Variants in BSN observed in about 807,000 individuals in gnomAD.
The protein encoded by BSN is bassoon presynaptic cytomatrix protein.
In BSN, 57 loss-of-function variants were observed where a neutral mutation model predicts 264.8. That is an observed-to-expected ratio of 0.22 (90% confidence interval 0.17 to 0.27). BSN has a LOEUF of 0.27. Among genes scored for constraint, BSN ranks in the 10% least tolerant of loss-of-function variants. The pLI is 1.00. For synonymous variants in BSN, 2,059 were observed against 2,137.3 expected (o/e 0.96, Z 1.01); for missense variants, 4,615 against 5,232.5 (o/e 0.88, Z 3.64).
At position 49,663,233 on chromosome 3, in the gene BSN, C is replaced by G. The variant is rs1245526615; in HGVS notation, c.11075C>G (p.Pro3692Arg). The change falls in exon 7 of 12, where the codon CCG becomes CGG. Residue 3692 changes from proline (P) to arginine (R), a missense_variant. Pro to Arg is a moderately radical substitution (Grantham distance 103, BLOSUM62 -2). Coordinates refer to ENST00000296452, the MANE Select transcript of BSN (RefSeq NM_003458.4). Reference protein sequence around the residue: ...HSQPSSAPAMPKKGQPGYPSS... With the variant: ...HSQPSSAPAMRKKGQPGYPSS... ...CAGCCCAGCTCTGCTCCAGCTATGCCGAAGAAGGGTCAGCCTGGGTATCCC... is the reference window on the plus strand; with the variant it reads ...CAGCCCAGCTCTGCTCCAGCTATGCGGAAGAAGGGTCAGCCTGGGTATCCC... The G allele has an allele frequency of 1.2e-6, 2 of 1,614,108 alleles. No homozygotes were observed. The highest frequency in any genetic ancestry group is 1.1e-5 in the South Asian group (1 of 91,084).
In BSN at chr3:49,662,270, A is replaced by T. The variant is rs1173047672; in HGVS notation, c.10425A>T (p.Arg3475=). The T allele has an allele frequency of 1.2e-6, 2 of 1,613,862 alleles. No individual in the cohort carries two copies. Among genetic ancestry groups the T allele is most frequent in the Non-Finnish European group, 1.7e-6 (2 of 1,179,926 alleles). The part of the protein sequence containing the change: ...GYEREREAVE[R]LQKAGPKPSS... ...AAAGGGAACGGGAGGCTGTGGAGCG[A>T]CTTCAAAAAGCGGGCCCCAAGCCCT... Residue 3475 remains arginine (R), a synonymous_variant, in exon 6 of 12, where the codon CGA becomes CGT. Transcript: ENST00000296452.
rs2052598749 is a variant in BSN at position 49,656,278 on chromosome 3, T to C, written c.6722T>C (p.Leu2241Pro). ...GGITAVPLTS[L>P]TRVPMIAPRV... ...ATCACAGCCGTGCCACTCACCAGTC[T>C]GACACGTGTGCCCATGATTGCCCCC... The change falls in exon 5 of 12, where the codon CTG becomes CCG. Residue 2241 changes from leucine to proline, a missense_variant. Transcript: ENST00000296452. The C allele has an allele frequency of 2.5e-6, 4 of 1,613,018 alleles. No homozygotes were observed. The highest frequency in any genetic ancestry group is 3.4e-6 in the Non-Finnish European group (4 of 1,179,854).
intron 2 of BSN, among the ~76,000 whole-genome samples, chr3:49,630,566 G>A (rs2108062296): frequency 6.6e-6 from 1 of 152,308 alleles, no homozygotes; most frequent in African/African-American, 2.4e-5. Context: ...ACTGCAGGGT[G>A]GAGGCCACAG....
At chr3:49,620,459 A>G (rs1393615383) in intron 1 of BSN, among the ~76,000 whole-genome samples, 1 of 152,030 alleles carries the variant, frequency 6.6e-6, no homozygotes, top group Admixed American at 6.5e-5. Flanking sequence ...AAAAAAAGAA[A>G]AAAAAAACAA....
At chr3:49,633,703 A>G (rs1305417141) in intron 2 of BSN, among the ~76,000 whole-genome samples, 2 of 152,362 alleles carry the variant, frequency 1.3e-5, no homozygotes, top group South Asian at 4.1e-4. Context: ...ATGAGCAAAT[A>G]TGCAAAATAT....
At chr3:49,650,469 C>T in intron 3 of BSN, 143 bp from the exon 4 acceptor site, 3 of 763,120 alleles carry the variant, frequency 3.9e-6, no homozygotes, top group Admixed American at 5.8e-5. Flanking sequence ...GTAAATTGGT[C>T]AGTCTTTTTC....
rs2051927222 is a variant in BSN, at chr3:49,585,415, G to A, written c.224+30589G>A. 6.6e-6 allele frequency among the ~76,000 whole-genome samples: 1 copy of A among 152,086 alleles called. No homozygotes were observed. Among genetic ancestry groups the A allele is most frequent in the Non-Finnish European group, 1.5e-5 (1 of 68,010 alleles). On this transcript the variant is annotated intron_variant, in intron 1 of 11. Coordinates refer to ENST00000296452, the MANE Select transcript of BSN (RefSeq NM_003458.4). The surrounding 1 kb of genome is among the most constrained non-coding windows in gnomAD (Gnocchi z 4.7). ...TCGTGCTTCTTCCTCTGGTGAGGCC[G>A]GCGCTCCCTTCCCAGGCCGCAGCGG...
chr3:49,554,940 CTGAA>C, intron 1 of BSN, 114 bp downstream of exon 1: 1 of 589,806 alleles, frequency 1.7e-6, no homozygotes, highest in Non-Finnish European at 2.4e-6. Context: ...CGGCCGCACT[CTGAA>C]CCCTGCCGGA....
rs2005557 is a variant in BSN at position 49,663,865 on chromosome 3, G to A, written c.11587G>A (p.Ala3863Thr). 0.55 allele frequency: 887,030 copies of A among 1,613,530 alleles called. 252,776 individuals are homozygous for A. Among genetic ancestry groups the A allele is most frequent in the East Asian group, 0.96 (42,928 of 44,874 alleles). ...QQGRAPQAQP[A>T]PGPGPAGVKA... Reference sequence around the variant, plus strand: ...GGGGAGGGCTCCTCAGGCCCAGCCAGCACCAGGACCTGGACCTGCAGGTGA... The same window carrying A: ...GGGGAGGGCTCCTCAGGCCCAGCCAACACCAGGACCTGGACCTGCAGGTGA... The change falls in exon 8 of 12, where the codon GCA becomes ACA. Residue 3863 changes from alanine to threonine, a missense_variant. By Grantham distance (58) the Ala-to-Thr change is moderately conservative (BLOSUM62 0). Coordinates refer to ENST00000296452, the MANE Select transcript of BSN (RefSeq NM_003458.4).
At chr3:49,635,235 A>G (rs967923296) in intron 2 of BSN, among the ~76,000 whole-genome samples, 1 of 152,226 alleles carries the variant, frequency 6.6e-6, no homozygotes, top group African/African-American at 2.4e-5. Flanking sequence ...AAAGTGCCAT[A>G]GGAGAGATGT....
At chr3:49,612,997 G>A (rs958848774) in intron 1 of BSN, among the ~76,000 whole-genome samples, 5 of 152,116 alleles carry the variant, frequency 3.3e-5, no homozygotes, top group Non-Finnish European at 7.3e-5. Flanking sequence ...CCTGGGCATG[G>A]TGGCACATGC....
At chr3:49,663,945 C>A (rs555284735) in intron 8 of BSN, 59 bp downstream of exon 8, 8 of 1,501,404 alleles carry the variant, frequency 5.3e-6, no homozygotes, top group South Asian at 3.5e-5. Flanking sequence ...TGTTCTCTCT[C>A]TATACCACCT....
intron 1 of BSN, among the ~76,000 whole-genome samples, chr3:49,556,854 C>G (rs538488426): frequency 2.4e-4 from 37 of 152,320 alleles, no homozygotes; most frequent in Admixed American, 2.2e-3. Flanking sequence ...CAGGAAAGAG[C>G]ATTAGCACAA....
rs117615757 is a variant in BSN, at chr3:49,611,963, T to C, written c.225-13012T>C. Among the ~76,000 whole-genome samples the C allele has an allele frequency of 5.3e-4, 81 of 152,292 alleles. No individual in the cohort carries two copies. The East Asian group carries it at 0.014, about 26-fold the overall frequency. On this transcript the variant is annotated intron_variant, in intron 1 of 11. Coordinates refer to ENST00000296452, the MANE Select transcript of BSN (RefSeq NM_003458.4). The stretch of plus-strand genomic sequence containing the variant: ...TCCCAGCATGGGCTCCCACCTGTCC[T>C]AGCTCCCCTAGGAATTTCCTGCTGA...
chr3:49,598,934 CAT>C (rs370273952), intron 1 of BSN, among the ~76,000 whole-genome samples: 21 of 152,088 alleles, frequency 1.4e-4, no homozygotes, highest in African/African-American at 5.1e-4. Flanking sequence ...TGGATATGCA[CAT>C]GTTTTGGAGG....
At chr3:49,588,640 C>G (rs1324214753) in intron 1 of BSN, among the ~76,000 whole-genome samples, 1 of 152,118 alleles carries the variant, frequency 6.6e-6, no homozygotes, top group Non-Finnish European at 1.5e-5. Flanking sequence ...ATTTTAATTC[C>G]TCTCAAAGTA....
intron 1 of BSN, among the ~76,000 whole-genome samples, chr3:49,599,675 G>T (rs2052056393): frequency 3.3e-5 from 5 of 152,160 alleles, no homozygotes; most frequent in African/African-American, 1.2e-4. Context: ...GACTTTAAAT[G>T]ATTGTTCATT....
intron 1 of BSN, among the ~76,000 whole-genome samples, chr3:49,560,113 GAGCCCTCCCTGCATATGTGAGTAGGA>G (rs1207863860): frequency 6.6e-6 from 1 of 152,106 alleles, no homozygotes; most frequent in Non-Finnish European, 1.5e-5. Flanking sequence ...CAGTGTGGGG[GAGCCCTCCCTGCATATGTGAGTAGGA>G]AGCCTCCTAC....
intron 1 of BSN, among the ~76,000 whole-genome samples, chr3:49,595,690 A>G (rs1173790356): frequency 6.6e-6 from 1 of 151,920 alleles, no homozygotes; most frequent in Non-Finnish European, 1.5e-5. Context: ...TTCCTATTTC[A>G]TTTTATTTGG....
Sources: allele counts gnomAD v4.1 joint callset (sites outside exome capture counted in the v4.1 genomes callset), GRCh38; gene constraint gnomAD v4.1.1; non-coding constraint Gnocchi (gnomAD v3.1); transcripts MANE v1.5; gene names NCBI Gene and HGNC (gene_info 2026-07-23, HGNC 2026-07-21).